The following JMJD6 variants were observed in gnomAD, a reference collection of about 807,000 sequenced individuals.
JMJD6 encodes bifunctional arginine demethylase and lysyl-hydroxylase JMJD6.
Under a neutral mutation model 45.8 loss-of-function variants are expected in JMJD6, and 17 were observed. The ratio of observed to expected loss-of-function variants is 0.37; its 90% CI spans 0.25 to 0.56. The LOEUF is 0.56. JMJD6 is among the 20% of genes least tolerant of loss of function. The probability of loss-of-function intolerance (pLI) is 0.79; values close to 1 mark genes in which losing one functional copy is unlikely to be tolerated. For synonymous variants in JMJD6, 221 were observed against 196.3 expected (o/e 1.13, Z -1.05); for missense variants, 470 against 517.5 (o/e 0.91, Z 0.89).
At chr17:76,715,701 C>T (rs965263065), downstream of JMJD6, 1 of 152,202 alleles carries the variant, frequency 6.6e-6, no homozygotes, top group Non-Finnish European at 1.5e-5. Context: ...TTGACAACCC[C>T]TCTTATTGAA....
chr17:76,723,527 G>A (rs1273845370), intron 3 of JMJD6, among the ~76,000 whole-genome samples: 4 of 149,578 alleles, frequency 2.7e-5, no homozygotes, highest in Non-Finnish European at 5.9e-5. Flanking sequence ...TGCAACCTTC[G>A]CCACCTGGGT....
intron 2 of JMJD6, among the ~76,000 whole-genome samples, chr17:76,725,183 CA>C (rs995993676): frequency 2.6e-5 from 4 of 152,128 alleles, no homozygotes; most frequent in African/African-American, 9.7e-5. Flanking sequence ...CCGAGGCGGG[CA>C]GATCACCTGA....
intron 1 of JMJD6, 100 bp from the exon 2 acceptor site, chr17:76,725,955 G>A (rs2076917260): frequency 7.2e-7 from 1 of 1,393,048 alleles, no homozygotes; most frequent in Admixed American, 2.7e-5. Flanking sequence ...CAAACCGAAG[G>A]AAGTTGACTC....
chr17:76,718,950 G>C (rs2076791468), intron 5 of JMJD6, 90 bp from the exon 6 acceptor site: 8 of 1,292,140 alleles, frequency 6.2e-6, no homozygotes, highest in Non-Finnish European at 8.6e-6. Flanking sequence ...AGACAGCACA[G>C]ATATTGGTCA....
rs1446449520 is a variant in JMJD6, at chr17:76,726,415, T to C, written c.61A>G (p.Lys21Glu). The C allele has an allele frequency of 1.2e-6, 2 of 1,604,844 alleles. No homozygotes were observed. Among genetic ancestry groups the C allele is most frequent in the East Asian group, 2.3e-5 (1 of 43,378 alleles). Residue 21 changes from lysine to glutamate, a missense_variant, in exon 1 of 6, where the codon AAG (lysine) becomes GAG (glutamate). Lys to Glu is a moderately conservative substitution (Grantham distance 56). Around this residue, in one of 4 missense-constraint regions of JMJD6, gnomAD observed 346 missense variants for 339.5 expected, o/e 1.02. Transcript: ENST00000397625. ...EAKRSARPEL[K>E]DSLDWTRHNY... ...TGCCGGGTCCAATCCAGCGAGTCCT[T>C]GAGCTCCGGCCGCGCACTCCGCTTG...
At position 76,723,763 on chromosome 17, in the gene JMJD6, C is replaced by T. The variant is rs777965526; in HGVS notation, c.805+9G>A. ...GCAAAGAATGTACTTTCTTCCAGTT[C>T]ATCTATACCTGGTACAAAGACAGTC... On this transcript the variant is annotated intron_variant, in intron 3 of 5. Coordinates refer to ENST00000397625, the MANE Select transcript of JMJD6 (RefSeq NM_015167.3). 1.2e-6 allele frequency: 2 copies of T among 1,610,764 alleles called. No individual in the cohort carries two copies. Among genetic ancestry groups the T allele is most frequent in the South Asian group, 1.1e-5 (1 of 91,036 alleles).
Position 76,723,296 on chromosome 17 carries a change from C to A in JMJD6, c.805+476G>T, listed in dbSNP as rs534314281. ...GCCATATAAAATGTGAACAAGAGCT[C>A]CCAAAGTATGTGACACTATAGCTAC... is the stretch of plus-strand genomic sequence containing the variant. On this transcript the variant is annotated intron_variant, in intron 3 of 5. Coordinates refer to ENST00000397625, the MANE Select transcript of JMJD6 (RefSeq NM_015167.3). Among the ~76,000 whole-genome samples, 4 of 152,150 alleles carry A rather than the reference C, an allele frequency of 2.6e-5. No individual in the cohort carries two copies. The South Asian group carries it at 8.3e-4, about 32-fold the overall frequency.
Position 76,718,870 on chromosome 17 carries a change from G to A in JMJD6, c.1081-10C>T. The A allele has an allele frequency of 6.2e-7, 1 of 1,611,008 alleles. No homozygotes were observed. The highest frequency in any genetic ancestry group is 8.5e-7 in the Non-Finnish European group (1 of 1,178,766). On this transcript the variant is annotated splice_polypyrimidine_tract_variant and intron_variant, in intron 5 of 5. Coordinates refer to ENST00000397625, the MANE Select transcript of JMJD6 (RefSeq NM_015167.3). ...CGGATCCAGACTCGCACTGGACACAGGAGGACAGAAAACAAGGAGTCAACC... is the reference window on the plus strand; with the variant it reads ...CGGATCCAGACTCGCACTGGACACAAGAGGACAGAAAACAAGGAGTCAACC...
intron 1 of JMJD6, 73 bp downstream of exon 1, chr17:76,726,274 G>A (rs2076930607): frequency 1.3e-6 from 2 of 1,488,268 alleles, no homozygotes; most frequent in South Asian, 1.3e-5. Context: ...GGGCAGCCTC[G>A]GGCCCAGAGA....
At chr17:76,715,420 A>C (rs1404266985), downstream of JMJD6, 1 of 152,232 alleles carries the variant, frequency 6.6e-6, no homozygotes, top group East Asian at 1.9e-4. Context: ...AATTGAACTA[A>C]GACAAAAATA....
chr17:76,726,225 G>A, intron 1 of JMJD6, 122 bp downstream of exon 1: 1 of 1,301,536 alleles, frequency 7.7e-7, no homozygotes, highest in Non-Finnish European at 1.0e-6. Context: ...TCCGCGGGGT[G>A]CGGGTGAGCC....
chr17:76,721,608 C>T (rs904626891), intron 4 of JMJD6, among the ~76,000 whole-genome samples, 190 bp downstream of exon 4: 4 of 152,178 alleles, frequency 2.6e-5, no homozygotes, highest in African/African-American at 9.7e-5. Context: ...CCTGCCACCT[C>T]GAGGCTGGCG....
chr17:76,721,735 A>C, intron 4 of JMJD6, 63 bp downstream of exon 4: 2 of 1,538,982 alleles, frequency 1.3e-6, no homozygotes, highest in Non-Finnish European at 1.8e-6. Context: ...GCAGTGGACT[A>C]GCCATTTTAT....
At chr17:76,716,982 G>A (rs1349655564), downstream of JMJD6, among the ~76,000 whole-genome samples, 2 of 152,176 alleles carry the variant, frequency 1.3e-5, no homozygotes, top group East Asian at 1.9e-4. Context: ...GTTGAGAAAT[G>A]CACATTCCAG....
intron 4 of JMJD6, chr17:76,721,503 C>T: frequency 4.9e-6 from 2 of 410,392 alleles, no homozygotes; most frequent in Non-Finnish European, 4.5e-6. Context: ...TTAGCTAGCG[C>T]TAGCTTTGAA....
At chr17:76,720,766 A>C (rs73996689) in intron 4 of JMJD6, 9,214 of 337,276 alleles carry the variant, frequency 0.027, 687 homozygotes, top group African/African-American at 0.16. Context: ...CGTGCCACCA[A>C]TACACGAGGC....
At chr17:76,725,923 C>T in intron 1 of JMJD6, 68 bp from the exon 2 acceptor site, 7 of 1,497,710 alleles carry the variant, frequency 4.7e-6, no homozygotes, top group Non-Finnish European at 6.2e-6. Flanking sequence ...ATAAGGGTGT[C>T]CCCAAGGCCA....
rs1248072182 is a variant in JMJD6 at position 76,726,416 on chromosome 17, G to C, written c.60C>G (p.Leu20=). Reference sequence around the variant, plus strand: ...GCCGGGTCCAATCCAGCGAGTCCTTGAGCTCCGGCCGCGCACTCCGCTTGG... The same window carrying C: ...GCCGGGTCCAATCCAGCGAGTCCTTCAGCTCCGGCCGCGCACTCCGCTTGG... ...REAKRSARPE[L]KDSLDWTRHN... Residue 20 remains leucine (L), a synonymous_variant, in exon 1 of 6, where the codon CTC becomes CTG. Transcript: ENST00000397625. 5.0e-6 allele frequency: 8 copies of C among 1,604,862 alleles called. No homozygotes were observed. The highest frequency in any genetic ancestry group is 3.4e-5 in the Admixed American group (2 of 59,454).
At position 76,720,706 on chromosome 17, in the gene JMJD6, A is replaced by G. The variant is rs2076813033; in HGVS notation, c.942-208T>C. The G allele has an allele frequency of 6.1e-6, 3 of 491,600 alleles. No individual in the cohort carries two copies. In the South Asian group the frequency reaches 1.0e-4, roughly 17 times the overall value. 30.5% of individuals were successfully genotyped at this position (491,600 alleles called of 1,614,324 possible). A position where few individuals can be genotyped will look rare whatever the true frequency, so the allele number is the denominator to read the frequency against. On this transcript the variant is annotated intron_variant, in intron 4 of 5. Transcript: ENST00000397625. Reference sequence around the variant, plus strand: ...GGTGCCCATGTTTTTCTGCAAGGAAAATTATACTAACTACACACAATTTAC... The same window carrying G: ...GGTGCCCATGTTTTTCTGCAAGGAAGATTATACTAACTACACACAATTTAC...
Sources: gnomAD v4.1 joint callset for allele counts (sites outside exome capture counted in the v4.1 genomes callset) on GRCh38, gnomAD v4.1.1 for gene constraint, gnomAD v4.1.1 regional missense constraint, MANE v1.5 for transcripts, NCBI Gene and HGNC (gene_info 2026-07-23, HGNC 2026-07-21) for gene names.